The following ASTN2 variants were observed in gnomAD, a reference collection of about 807,000 sequenced individuals.
ASTN2 encodes the protein astrotactin 2.
Under a neutral mutation model 139.8 loss-of-function variants are expected in ASTN2, and 54 were observed. The ratio of observed to expected loss-of-function variants is 0.39; its 90% CI spans 0.31 to 0.48. The LOEUF (loss-of-function observed/expected upper bound fraction) is 0.48. ASTN2 is among the 20% of genes least tolerant of loss of function. The pLI is 0.95. For synonymous variants in ASTN2, 756 were observed against 719.5 expected, an observed-to-expected ratio of 1.05 and a Z score of -0.81; for missense variants, 1,565 against 1,725.1, an observed-to-expected ratio of 0.91 and a Z score of 1.64.
At chr9:116,882,804 GT>G (rs941411066) in intron 10 of ASTN2, among the ~76,000 whole-genome samples, 6 of 150,894 alleles carry the variant, frequency 4.0e-5, no homozygotes, top group Non-Finnish European at 8.8e-5. Flanking sequence ...TGAAGCCTGG[GT>G]GACAGACAGA....
chr9:117,236,091 A>G (rs567157630), intron 2 of ASTN2, among the ~76,000 whole-genome samples: 27 of 152,280 alleles, frequency 1.8e-4, no homozygotes, highest in African/African-American at 5.3e-4. Context: ...GAATAGAGCT[A>G]AGTAGCATTA....
intron 13 of ASTN2, among the ~76,000 whole-genome samples, chr9:116,802,165 C>A (rs1226968100): frequency 6.7e-6 from 1 of 149,766 alleles, no homozygotes; most frequent in East Asian, 2.0e-4. Flanking sequence ...AGGCTCACTG[C>A]AAGCTCCGCC....
chr9:117,099,238 T>C (rs1397151721), intron 4 of ASTN2, among the ~76,000 whole-genome samples: 1 of 152,220 alleles, frequency 6.6e-6, no homozygotes, highest in Non-Finnish European at 1.5e-5. Flanking sequence ...CTCTCTGCTA[T>C]GTCTGGAGCC....
chr9:116,816,602 G>A (rs1340480737), intron 12 of ASTN2, among the ~76,000 whole-genome samples: 1 of 152,150 alleles, frequency 6.6e-6, no homozygotes, highest in Non-Finnish European at 1.5e-5. Flanking sequence ...AGTGGGAATG[G>A]CAATGAAGAC....
intron 19 of ASTN2, among the ~76,000 whole-genome samples, chr9:116,615,079 C>T (rs1564155682): frequency 1.3e-5 from 2 of 152,280 alleles, no homozygotes; most frequent in South Asian, 4.2e-4. Flanking sequence ...TGAACAGACA[C>T]TTCTCAAAAG....
intron 17 of ASTN2, among the ~76,000 whole-genome samples, chr9:116,625,423 C>T (rs1042480368): frequency 1.6e-4 from 24 of 152,238 alleles, no homozygotes; most frequent in African/African-American, 5.3e-4. Context: ...GACAGCAAGA[C>T]TCCATCTTGG....
At chr9:117,224,947 C>G (rs1210456282) in intron 2 of ASTN2, among the ~76,000 whole-genome samples, 1 of 152,150 alleles carries the variant, frequency 6.6e-6, no homozygotes, top group African/African-American at 2.4e-5. Context: ...CTCCCATCAC[C>G]CTAGTGCCCA....
At chr9:116,553,245 G>A (rs530325212) in intron 19 of ASTN2, among the ~76,000 whole-genome samples, 21 of 152,148 alleles carry the variant, frequency 1.4e-4, no homozygotes, top group African/African-American at 2.2e-4. Context: ...AAGAATGGTC[G>A]ATAATCACTC....
intron 18 of ASTN2, 74 bp downstream of exon 18, chr9:116,620,236 G>A (rs763162825): frequency 3.7e-6 from 6 of 1,602,700 alleles, no homozygotes; most frequent in Non-Finnish European, 5.1e-6. Context: ...GCAAGTCATG[G>A]CATGGGCTGG....
At position 117,124,241 on chromosome 9, in the gene ASTN2, G is replaced by T. The variant is rs1564437924; in HGVS notation, c.1168+17085C>A. On this transcript the variant is annotated intron_variant, in intron 4 of 22. Coordinates refer to ENST00000313400, the MANE Select transcript of ASTN2 (RefSeq NM_001365068.1). ...TATGCCACTAACTCATGGTAAAAAA[G>T]TTGCTTTCCCTCTCTGTGCCTCAGT... is the stretch of plus-strand genomic sequence containing the variant. Among the ~76,000 whole-genome samples the T allele has an allele frequency of 4.6e-5, 7 of 152,142 alleles. No homozygotes were observed. The East Asian group carries it at 1.2e-3, about 25-fold the overall frequency.
intron 2 of ASTN2, among the ~76,000 whole-genome samples, chr9:117,290,082 A>G (rs1406740773): frequency 6.6e-6 from 1 of 152,190 alleles, no homozygotes; most frequent in Non-Finnish European, 1.5e-5. Context: ...GAAGGAAGCA[A>G]TGAGGGTTGA....
intron 3 of ASTN2, among the ~76,000 whole-genome samples, chr9:117,183,138 T>C (rs1409579549): frequency 3.3e-5 from 5 of 152,264 alleles, no homozygotes; most frequent in South Asian, 2.1e-4. Context: ...TCCTGGCAGC[T>C]TTGTGTTAAT....
chr9:116,538,910 T>G (rs1471685597), intron 19 of ASTN2, among the ~76,000 whole-genome samples: 1 of 152,186 alleles, frequency 6.6e-6, no homozygotes, highest in Non-Finnish European at 1.5e-5. Flanking sequence ...CTAACAAACT[T>G]CATTGACAAG....
At chr9:117,044,902 T>C (rs76260800) in intron 5 of ASTN2, among the ~76,000 whole-genome samples, 3 of 152,286 alleles carry the variant, frequency 2.0e-5, no homozygotes, top group East Asian at 3.9e-4. Context: ...ATCATTTCCA[T>C]TTTACAGAGA....
At chr9:116,439,493 C>CCCGG (rs1259149762) in intron 22 of ASTN2, among the ~76,000 whole-genome samples, 1 of 139,870 alleles carries the variant, frequency 7.1e-6, no homozygotes, top group Non-Finnish European at 1.5e-5. Flanking sequence ...AGCCACCGCG[C>CCCGG]CCGGCCTCAA....
chr9:116,447,220 C>T (rs146924847), intron 20 of ASTN2, among the ~76,000 whole-genome samples: 2 of 152,290 alleles, frequency 1.3e-5, no homozygotes, highest in East Asian at 1.9e-4. Context: ...AAGCATCGCT[C>T]AAACCTTACC....
intron 1 of ASTN2, among the ~76,000 whole-genome samples, chr9:117,382,339 A>G (rs1452872617): frequency 3.9e-5 from 6 of 152,208 alleles, no homozygotes; most frequent in African/African-American, 1.4e-4. Context: ...GGGAAAACAG[A>G]ACAAGTCTGA....
At chr9:116,862,594 G>T (rs991217823) in intron 11 of ASTN2, among the ~76,000 whole-genome samples, 1 of 152,082 alleles carries the variant, frequency 6.6e-6, no homozygotes, top group African/African-American at 2.4e-5. Flanking sequence ...TACAAGAAAA[G>T]GTTCTGAGGC....
At chr9:116,951,839 T>C (rs1424483173) in intron 10 of ASTN2, among the ~76,000 whole-genome samples, 1 of 152,176 alleles carries the variant, frequency 6.6e-6, no homozygotes, top group Non-Finnish European at 1.5e-5. Context: ...AAAAAATCCC[T>C]CCAAAAGACA....
Sources: allele counts gnomAD v4.1 joint callset (sites outside exome capture counted in the v4.1 genomes callset), GRCh38; gene constraint gnomAD v4.1.1; transcripts MANE v1.5; gene names NCBI Gene and HGNC (gene_info 2026-07-23, HGNC 2026-07-21).